Variants in TRIM36 observed in about 807,000 individuals in gnomAD.
The protein encoded by TRIM36 is tripartite motif containing 36, also known as E3 ubiquitin-protein ligase TRIM36.
Under a neutral mutation model 72.4 loss-of-function variants are expected in TRIM36, and 42 were observed. That is an observed-to-expected ratio of 0.58 (90% CI 0.45 to 0.75). The LOEUF (loss-of-function observed/expected upper bound fraction) is 0.75. TRIM36 is among the 30% of genes least tolerant of loss of function. TRIM36 has a pLI of 0.00. For synonymous variants in TRIM36, 315 were observed against 282.8 expected, an observed-to-expected ratio of 1.11 and a Z score of -1.14; for missense variants, 913 against 857.1, an observed-to-expected ratio of 1.07 and a Z score of -0.81.
At chr5:115,146,079 T>G (rs1276586061) in intron 3 of TRIM36, among the ~76,000 whole-genome samples, 1 of 152,196 alleles carries the variant, frequency 6.6e-6, no homozygotes, top group Non-Finnish European at 1.5e-5. Flanking sequence ...AAACATCAGG[T>G]TGAAGTCACA....
rs764324465 is a variant in TRIM36, at chr5:115,141,232, G to C, written c.831+47C>G. ...TTATGAACAAATGAATGAATGTCTA[G>C]ATAAAATAACAATAATTTAAAATAT... On this transcript the variant is annotated intron_variant, in intron 5 of 9. Coordinates refer to ENST00000513154, the MANE Select transcript of TRIM36 (RefSeq NM_001300759.2). 8 of 1,322,014 alleles carry C rather than the reference G, an allele frequency of 6.1e-6. No homozygotes were observed. In the South Asian group the frequency reaches 9.1e-5, roughly 15 times the overall value. The allele number at this position is 1,322,014 out of a possible 1,614,324, so 81.9% of individuals were successfully genotyped here.
chr5:115,157,186 G>T (rs987174291), intron 2 of TRIM36, among the ~76,000 whole-genome samples: 3 of 151,514 alleles, frequency 2.0e-5, no homozygotes, highest in Non-Finnish European at 4.4e-5. Flanking sequence ...TGGATGCAGT[G>T]AACAAGGAAC....
At chr5:115,151,347 C>T (rs980006181) in intron 2 of TRIM36, among the ~76,000 whole-genome samples, 1 of 152,156 alleles carries the variant, frequency 6.6e-6, no homozygotes, top group African/African-American at 2.4e-5. Context: ...GAAACCTCAT[C>T]CCCCAATCCC....
At chr5:115,129,302 C>G (rs1752526084) in intron 9 of TRIM36, among the ~76,000 whole-genome samples, 1 of 152,202 alleles carries the variant, frequency 6.6e-6, no homozygotes, top group Admixed American at 6.5e-5. Context: ...GTGGCTCACG[C>G]CTGTAATCCC....
intron 2 of TRIM36, among the ~76,000 whole-genome samples, chr5:115,150,474 T>G (rs1288177778): frequency 1.3e-5 from 2 of 152,204 alleles, no homozygotes; most frequent in Non-Finnish European, 2.9e-5. Context: ...TTGCATAGTA[T>G]TGCTCAATTG....
chr5:115,136,963 C>A (rs945207913), intron 7 of TRIM36, 37 bp downstream of exon 7: 4 of 1,525,122 alleles, frequency 2.6e-6, no homozygotes, highest in Non-Finnish European at 3.5e-6. Context: ...CAAATTCAGA[C>A]AAAAAGAATG....
intron 1 of TRIM36, chr5:115,179,934 T>C: frequency 6.3e-7 from 1 of 1,591,630 alleles, no homozygotes; most frequent in Non-Finnish European, 8.6e-7. Context: ...AGTGCCGGAG[T>C]CGGGGGCCCA....
chr5:115,152,295 C>T lies in TRIM36; in HGVS notation c.263-4901G>A, dbSNP rs557126172. On this transcript the variant is annotated intron_variant, in intron 2 of 9. Transcript: ENST00000513154. ...ATTCAGAGCTCGAAGACAAAGTCTT[C>T]GAACTAACCCAATCCAACAAAGACA... is the stretch of plus-strand genomic sequence containing the variant. Among the ~76,000 whole-genome samples the T allele has an allele frequency of 1.1e-4, 16 of 152,138 alleles. 1 individual carries two copies. In the South Asian group the frequency reaches 2.9e-3, roughly 28 times the overall value.
intron 9 of TRIM36, 144 bp from the exon 10 acceptor site, chr5:115,127,001 A>C: frequency 1.2e-6 from 1 of 837,106 alleles, no homozygotes; most frequent in Non-Finnish European, 1.8e-6. Flanking sequence ...CAAAAACATA[A>C]AAATGACACA....
chr5:115,163,467 A>T, intron 2 of TRIM36, 51 bp downstream of exon 2: 3 of 1,472,956 alleles, frequency 2.0e-6, no homozygotes, highest in Non-Finnish European at 2.8e-6. Flanking sequence ...CTGAATATAT[A>T]TCTATAAGCT....
At chr5:115,156,198 C>A (rs761238261) in intron 2 of TRIM36, among the ~76,000 whole-genome samples, 1 of 151,924 alleles carries the variant, frequency 6.6e-6, no homozygotes, top group African/African-American at 2.4e-5. Context: ...CCCATGCTCA[C>A]GGATAGGTAG....
chr5:115,171,386 TGC>T, upstream of TRIM36, among the ~76,000 whole-genome samples: 1 of 152,222 alleles, frequency 6.6e-6, no homozygotes, highest in African/African-American at 2.4e-5. Context: ...TGGCCGCAGG[TGC>T]TAGACTTGGG....
intron 5 of TRIM36, among the ~76,000 whole-genome samples, chr5:115,139,735 C>T (rs1411853308): frequency 3.3e-5 from 5 of 151,968 alleles, no homozygotes; most frequent in East Asian, 3.8e-4. Context: ...AGTTATCTAG[C>T]GTAAAAAAAA....
In TRIM36 at chr5:115,154,207, A is replaced by G. The variant is rs112066174; in HGVS notation, c.263-6813T>C. On this transcript the variant is annotated intron_variant, in intron 2 of 9. Coordinates refer to ENST00000513154, the MANE Select transcript of TRIM36 (RefSeq NM_001300759.2). ...AGGCAGTGCTAAGACGAAAGTTCAC[A>G]GCCCTAAACGCCTACATGAAAAAGT... Among the ~76,000 whole-genome samples, 280 of 152,304 alleles carry G rather than the reference A, an allele frequency of 1.8e-3. 1 individual carries two copies. Among genetic ancestry groups the G allele is most frequent in the African/African-American group, 6.5e-3 (272 of 41,572 alleles).
intron 4 of TRIM36, among the ~76,000 whole-genome samples, chr5:115,144,388 G>C (rs545655238): frequency 1.2e-3 from 175 of 152,060 alleles, no homozygotes; most frequent in African/African-American, 4.1e-3. Flanking sequence ...TACAACATAG[G>C]TGTCAATATA....
At chr5:115,175,153 T>C (rs1482367548) in intron 1 of TRIM36, among the ~76,000 whole-genome samples, 1 of 146,528 alleles carries the variant, frequency 6.8e-6, no homozygotes, top group Admixed American at 6.8e-5. Context: ...GCACATATTC[T>C]AAAAAAAAAA....
intron 7 of TRIM36, among the ~76,000 whole-genome samples, chr5:115,136,398 C>T (rs1752966547): frequency 6.6e-6 from 1 of 152,154 alleles, no homozygotes; most frequent in Non-Finnish European, 1.5e-5. Context: ...CCTGCCAACA[C>T]CTTGATCTCT....
At chr5:115,132,689 A>C (rs1752757545) in intron 8 of TRIM36, among the ~76,000 whole-genome samples, 1 of 152,122 alleles carries the variant, frequency 6.6e-6, no homozygotes, top group African/African-American at 2.4e-5. Context: ...CCCAGTTTGC[A>C]AAATAAATTT....
At chr5:115,172,534 G>A (rs1287210602), upstream of TRIM36, among the ~76,000 whole-genome samples, 1 of 152,110 alleles carries the variant, frequency 6.6e-6, no homozygotes, top group Non-Finnish European at 1.5e-5. Flanking sequence ...TCGGGAATTC[G>A]AGACCAGCCT....
Sources: allele counts gnomAD v4.1 joint callset (sites outside exome capture counted in the v4.1 genomes callset), GRCh38; gene constraint gnomAD v4.1.1; transcripts MANE v1.5; gene names NCBI Gene and HGNC (gene_info 2026-07-23, HGNC 2026-07-21).